MAST1: variants seen among roughly 807,000 people sequenced by gnomAD.
MAST1 encodes microtubule-associated serine/threonine-protein kinase 1.
Under a neutral mutation model 124.6 loss-of-function variants are expected in MAST1, and 40 were observed. That is an observed-to-expected ratio of 0.32 (90% CI 0.25 to 0.42). The LOEUF is 0.42. MAST1 is among the 10% of genes least tolerant of loss of function. The probability of loss-of-function intolerance (pLI) is 1.00; values close to 1 mark genes in which losing one functional copy is unlikely to be tolerated. For synonymous variants in MAST1, 938 were observed against 939.4 expected, an observed-to-expected ratio of 1.00 and a Z score of 0.03; for missense variants, 1,558 against 2,181.9, an observed-to-expected ratio of 0.71 and a Z score of 5.70.
Position 12,874,179 on chromosome 19 carries a change from G to A in MAST1, c.4022G>A (p.Gly1341Asp). Residue 1341 changes from glycine to aspartate, a missense_variant, in exon 26 of 26, where the codon GGC becomes GAC. Gly to Asp is a moderately conservative substitution (Grantham distance 94). Transcript: ENST00000251472. This position sits in a 1 kb window ranked among gnomAD's most constrained non-coding sequence, Gnocchi z 6.6. ...CGACAGGAGTCACCTTTGAGCCTGG[G>A]CGCGGACCCGTTGCTGCCCGAGGGT... ...LGRQESPLSLGADPLLPEGAS... is the reference protein window; with the variant it reads ...LGRQESPLSLDADPLLPEGAS... 1 of 1,542,024 alleles carries A rather than the reference G, an allele frequency of 6.5e-7. No homozygotes were observed. Among genetic ancestry groups the A allele is most frequent in the Non-Finnish European group, 8.7e-7 (1 of 1,146,794 alleles).
chr19:12,842,293 T>TC lies in MAST1; in HGVS notation c.248+1227_248+1228insC, dbSNP rs377695991. ...TTTACTGTCTCTCTCTCTCTCTCTC[T>TC]TTTTTTTTTCTTTTCTTGAGACAGA... On this transcript the variant is annotated intron_variant, in intron 3 of 25. Transcript: ENST00000251472. Among the ~76,000 whole-genome samples, 1,353 of 147,624 alleles carry TC rather than the reference T, an allele frequency of 9.2e-3. 18 individuals carry two copies. The highest frequency in any genetic ancestry group is 0.03 in the African/African-American group (1,165 of 39,178).
At chr19:12,868,613 A>T in intron 20 of MAST1, 30 bp from the exon 21 acceptor site, 1 of 1,539,840 alleles carries the variant, frequency 6.5e-7, no homozygotes, top group Non-Finnish European at 8.8e-7. Flanking sequence ...GCCTTGGACT[A>T]ATTCCTAACA....
chr19:12,873,135 G>A (rs369828196), intron 24 of MAST1, 189 bp from the exon 25 acceptor site: 8,461 of 608,556 alleles, frequency 0.014, 105 homozygotes, highest in Middle Eastern at 0.044. Context: ...GGGGGTGGGT[G>A]GGGACTGAAG....
chr19:12,847,630 C>T lies in MAST1; in HGVS notation c.507C>T (p.Ser169=). Residue 169 remains serine, a synonymous_variant, in exon 6 of 26, where the codon TCC becomes TCT. Coordinates refer to ENST00000251472, the MANE Select transcript of MAST1 (RefSeq NM_014975.3). The surrounding 1 kb of genome is among the most constrained non-coding windows in gnomAD (Gnocchi z 5.5). ...SRSLSPGRSP[S]SYDNEIVMMN... Reference sequence around the variant, plus strand: ...CCCGCAGCCCCGGGCGCTCCCCCTCCTCCTACGACAACGAGATCGTGATGA... The same window carrying T: ...CCCGCAGCCCCGGGCGCTCCCCCTCTTCCTACGACAACGAGATCGTGATGA... 1.9e-6 allele frequency: 3 copies of T among 1,614,192 alleles called. No individual in the cohort carries two copies. The highest frequency in any genetic ancestry group is 2.5e-6 in the Non-Finnish European group (3 of 1,180,016).
rs1256935382 is a variant in MAST1 at position 12,838,769 on chromosome 19, G to A, written c.83+114G>A. 2.1e-6 allele frequency: 2 copies of A among 940,404 alleles called. No individual in the cohort carries two copies. Among genetic ancestry groups the A allele is most frequent in the East Asian group, 3.3e-5 (1 of 30,760 alleles). 58.3% of individuals were successfully genotyped at this position (940,404 alleles called of 1,614,324 possible). A position where few individuals can be genotyped will look rare whatever the true frequency, so the allele number is the denominator to read the frequency against. Reference sequence around the variant, plus strand: ...TGCGCCCGGTCCAGCTGCGCCAGAGGTGCCCCAGCTGCGCCTTCCCGCCGG... The same window carrying A: ...TGCGCCCGGTCCAGCTGCGCCAGAGATGCCCCAGCTGCGCCTTCCCGCCGG... On this transcript the variant is annotated intron_variant, in intron 1 of 25. Transcript: ENST00000251472. The surrounding 1 kb of genome is among the most constrained non-coding windows in gnomAD (Gnocchi z 4.3).
rs1207779548 is a variant in MAST1 at position 12,852,337 on chromosome 19, A to C, written c.1019A>C (p.His340Pro). 5 of 1,614,082 alleles carry C rather than the reference A, an allele frequency of 3.1e-6. No individual in the cohort carries two copies. The highest frequency in any genetic ancestry group is 2.2e-5 in the East Asian group (1 of 44,862). The part of the protein sequence containing the change: ...LTRDPFPDVV[H>P]LEEQDSGGSN... ...CTCAGTCCCTCCCTAGATGTGGTGC[A>C]TCTGGAGGAACAGGACAGTGGTGGT... The change falls in exon 10 of 26, where the codon CAT becomes CCT. Residue 340 changes from histidine (H) to proline (P), a missense_variant. By Grantham distance (77) the His-to-Pro change is moderately conservative (BLOSUM62 -2). Coordinates refer to ENST00000251472, the MANE Select transcript of MAST1 (RefSeq NM_014975.3).
At chr19:12,851,767 T>C (rs373798708) in intron 7 of MAST1, among the ~76,000 whole-genome samples, 167 bp from the exon 8 acceptor site, 1 of 152,214 alleles carries the variant, frequency 6.6e-6, no homozygotes, top group East Asian at 1.9e-4. Flanking sequence ...ATTACAGGCA[T>C]GAGCCACCGT....
chr19:12,869,401 T>A, intron 22 of MAST1, 106 bp downstream of exon 22: 1 of 825,386 alleles, frequency 1.2e-6, no homozygotes, highest in Non-Finnish European at 2.0e-6. Flanking sequence ...TGTGACCCTC[T>A]ATGCCTCTTC....
At chr19:12,846,330 G>A (rs938202177) in intron 4 of MAST1, among the ~76,000 whole-genome samples, 8 of 152,070 alleles carry the variant, frequency 5.3e-5, no homozygotes, top group Non-Finnish European at 1.0e-4. Flanking sequence ...TGAGATTACA[G>A]GTGTGAGTCA....
chr19:12,874,832 A>G lies in MAST1; in HGVS notation c.4675A>G (p.Lys1559Glu). The G allele has an allele frequency of 1.9e-6, 3 of 1,598,358 alleles. No homozygotes were observed. Among genetic ancestry groups the G allele is most frequent in the Non-Finnish European group, 2.6e-6 (3 of 1,170,680 alleles). The change falls in exon 26 of 26, where the codon AAA becomes GAA. Residue 1559 changes from lysine to glutamate, a missense_variant. Coordinates refer to ENST00000251472, the MANE Select transcript of MAST1 (RefSeq NM_014975.3). This position sits in a 1 kb window ranked among gnomAD's most constrained non-coding sequence, Gnocchi z 6.6. Reference protein sequence around the residue: ...AEAVPPAGLTKKGVSSPAPPG... With the variant: ...AEAVPPAGLTEKGVSSPAPPG... ...AGCTGTGCCCCCAGCAGGCCTGACCAAAAAAGGAGTGTCCAGTCCCGCACC... is the reference window on the plus strand; with the variant it reads ...AGCTGTGCCCCCAGCAGGCCTGACCGAAAAAGGAGTGTCCAGTCCCGCACC...
In MAST1 at chr19:12,847,294, C is replaced by G. The variant is rs1195433733; in HGVS notation, c.332C>G (p.Ser111Cys). The G allele has an allele frequency of 6.2e-7, 1 of 1,612,108 alleles. No homozygotes were observed. Among genetic ancestry groups the G allele is most frequent in the African/African-American group, 1.3e-5 (1 of 74,990 alleles). Reference sequence around the variant, plus strand: ...CGGCCCTGCCCCTGTCCCCAGTCCTCCTGCTCCTCCCAGGAGCGCCTTCAC... The same window carrying G: ...CGGCCCTGCCCCTGTCCCCAGTCCTGCTGCTCCTCCCAGGAGCGCCTTCAC... The part of the protein sequence containing the change: ...TNTPSSTVSS[S>C]CSSQERLHQL... Residue 111 changes from serine to cysteine, a missense_variant, in exon 5 of 26, where the codon TCC becomes TGC. Ser to Cys is a moderately radical substitution (Grantham distance 112). Around this residue, in one of 10 missense-constraint regions of MAST1, gnomAD observed 165 missense variants for 315.3 expected, o/e 0.52. Transcript: ENST00000251472. The surrounding 1 kb of genome is among the most constrained non-coding windows in gnomAD (Gnocchi z 5.5).
intron 12 of MAST1, among the ~76,000 whole-genome samples, chr19:12,859,296 T>C (rs1970052024): frequency 6.6e-6 from 1 of 152,142 alleles, no homozygotes; most frequent in East Asian, 1.9e-4. Flanking sequence ...GCCAGGCTAG[T>C]CTTGAACTCC....
At chr19:12,862,186 G>A (rs1427779720) in intron 12 of MAST1, among the ~76,000 whole-genome samples, 1 of 151,998 alleles carries the variant, frequency 6.6e-6, no homozygotes, top group Non-Finnish European at 1.5e-5. Context: ...TGTACTTTTA[G>A]TAGAGACGGA....
At position 12,864,929 on chromosome 19, in the gene MAST1, G is replaced by A; in HGVS notation, c.1487G>A (p.Arg496His). The A allele has an allele frequency of 6.2e-7, 1 of 1,614,110 alleles. No homozygotes were observed. The highest frequency in any genetic ancestry group is 8.5e-7 in the Non-Finnish European group (1 of 1,180,012). ...TTGCACAACTATGGCATCGTGCACC[G>A]CGACCTCAAGCCTGACAAGTGAGCT... ...EYLHNYGIVHRDLKPDNLLIT... is the reference protein window; with the variant it reads ...EYLHNYGIVHHDLKPDNLLIT... The change falls in exon 13 of 26, where the codon CGC becomes CAC. Residue 496 changes from arginine to histidine, a missense_variant. Arg to His is a conservative substitution (Grantham distance 29). Around this residue, in one of 10 missense-constraint regions of MAST1, gnomAD observed 145 missense variants for 350.0 expected, o/e 0.41. Coordinates refer to ENST00000251472, the MANE Select transcript of MAST1 (RefSeq NM_014975.3).
At chr19:12,849,703 G>A (rs1243102578) in intron 7 of MAST1, among the ~76,000 whole-genome samples, 1 of 152,104 alleles carries the variant, frequency 6.6e-6, no homozygotes, top group African/African-American at 2.4e-5. Context: ...TTAGCTAGGT[G>A]TAGTGGCACA....
intron 1 of MAST1, among the ~76,000 whole-genome samples, chr19:12,839,769 A>G (rs1177092027): frequency 2.0e-5 from 3 of 152,132 alleles, no homozygotes; most frequent in Admixed American, 6.5e-5. Context: ...CTGGCCAGGC[A>G]TGGTGGCAGG....
At chr19:12,873,287 C>T (rs1298145993) in intron 24 of MAST1, 37 bp from the exon 25 acceptor site, 22 of 1,590,232 alleles carry the variant, frequency 1.4e-5, no homozygotes, top group Non-Finnish European at 1.9e-5. Context: ...CTCTGGCGTC[C>T]AGGTCAAGGA....
intron 7 of MAST1, among the ~76,000 whole-genome samples, chr19:12,851,627 C>T (rs1307704076): frequency 6.6e-6 from 1 of 152,190 alleles, no homozygotes; most frequent in African/African-American, 2.4e-5. Context: ...GCTGGGATTA[C>T]AGGCACCTGC....
chr19:12,861,526 C>T (rs192970532), intron 12 of MAST1, among the ~76,000 whole-genome samples: 461 of 152,166 alleles, frequency 3.0e-3, no homozygotes, highest in Non-Finnish European at 3.2e-3. Flanking sequence ...CAAGCAGGCC[C>T]ATGGAGCCGA....
Sources: gnomAD v4.1 joint callset for allele counts (sites outside exome capture counted in the v4.1 genomes callset) on GRCh38, gnomAD v4.1.1 for gene constraint, gnomAD v4.1.1 regional missense constraint, Gnocchi (gnomAD v3.1) non-coding constraint, MANE v1.5 for transcripts, NCBI Gene and HGNC (gene_info 2026-07-23, HGNC 2026-07-21) for gene names.